WNT2: variants seen among roughly 807,000 people sequenced by gnomAD.
The protein encoded by WNT2 is protein Wnt-2.
In WNT2, 12 loss-of-function variants were observed where a neutral mutation model predicts 36.9. That is an observed-to-expected ratio of 0.33 (90% CI 0.21 to 0.53). WNT2 has a LOEUF of 0.53. WNT2 is among the 20% of genes least tolerant of loss of function. The pLI, the probability that WNT2 is intolerant of heterozygous loss-of-function variation, is 0.95. For synonymous variants in WNT2, 163 were observed against 174.6 expected, an observed-to-expected ratio of 0.93 and a Z score of 0.52; for missense variants, 379 against 473.1, an observed-to-expected ratio of 0.80 and a Z score of 1.84.
chr7:117,309,027 TAA>T (rs1023269336), intron 3 of WNT2, among the ~76,000 whole-genome samples: 9 of 127,418 alleles, frequency 7.1e-5, no homozygotes, highest in Non-Finnish European at 8.5e-5. Context: ...CTATGAAACA[TAA>T]AAAAAAAAAA....
intron 4 of WNT2, among the ~76,000 whole-genome samples, chr7:117,287,403 C>T (rs1794603963): frequency 6.6e-6 from 1 of 152,132 alleles, no homozygotes; most frequent in African/African-American, 2.4e-5. Context: ...CCTGTAACTC[C>T]TTCCATCAGA....
At chr7:117,307,013 G>A (rs1209202035) in intron 3 of WNT2, among the ~76,000 whole-genome samples, 3 of 151,832 alleles carry the variant, frequency 2.0e-5, no homozygotes, top group Non-Finnish European at 4.4e-5. Flanking sequence ...CCTTTGACCT[G>A]CAGAGGCTAT....
intron 3 of WNT2, among the ~76,000 whole-genome samples, chr7:117,311,271 A>G (rs964283814): frequency 3.3e-5 from 5 of 152,366 alleles, no homozygotes; most frequent in Middle Eastern, 3.4e-3. Flanking sequence ...AAAGAAAAAA[A>G]ATCATCAGTA....
rs201976296 is a variant in WNT2 at position 117,309,954 on chromosome 7, A to AT, written c.588+5116dup. Among the ~76,000 whole-genome samples the AT allele has an allele frequency of 7.5e-3, 1,135 of 151,044 alleles. 17 individuals carry two copies. Among genetic ancestry groups the AT allele is most frequent in the African/African-American group, 0.026 (1,072 of 41,108 alleles). On this transcript the variant is annotated intron_variant, in intron 3 of 4. Transcript: ENST00000265441. ...TTCTCACAATTTTCCTAGTAAATCT[A>AT]TTTTTTTTTGATATGGGATCTCACT...
chr7:117,303,524 GTCT>G (rs1794953073), intron 3 of WNT2, among the ~76,000 whole-genome samples: 1 of 152,148 alleles, frequency 6.6e-6, no homozygotes, highest in Admixed American at 6.5e-5. Flanking sequence ...TCCCCCTGGG[GTCT>G]TCAGAGGCAC....
chr7:117,320,469 T>G, intron 2 of WNT2, 98 bp downstream of exon 2: 1 of 1,224,822 alleles, frequency 8.2e-7, no homozygotes, highest in Non-Finnish European at 1.2e-6. Flanking sequence ...TCTGATGGAA[T>G]AAAATGCAAT....
chr7:117,291,975 T>C (rs9641577), intron 4 of WNT2, among the ~76,000 whole-genome samples: 99,568 of 151,850 alleles, frequency 0.66, 33,103 homozygotes, highest in East Asian at 0.77. Context: ...TGGGGTTTGT[T>C]CATGTTGGTC....
At chr7:117,298,460 C>T in intron 3 of WNT2, among the ~76,000 whole-genome samples, 1 of 152,030 alleles carries the variant, frequency 6.6e-6, no homozygotes, top group East Asian at 1.9e-4. Context: ...AAAGACAGAG[C>T]CAGGCTGTAC....
At chr7:117,289,195 C>A (rs1156228585) in intron 4 of WNT2, among the ~76,000 whole-genome samples, 1 of 151,404 alleles carries the variant, frequency 6.6e-6, no homozygotes, top group Non-Finnish European at 1.5e-5. Flanking sequence ...GTAGCTGGGA[C>A]TACAGGCGCC....
chr7:117,296,261 A>G (rs746777220), intron 4 of WNT2, among the ~76,000 whole-genome samples: 1 of 152,242 alleles, frequency 6.6e-6, no homozygotes, highest in African/African-American at 2.4e-5. Flanking sequence ...GGGGCACAGC[A>G]TCTGGTCCTC....
At chr7:117,307,297 T>A (rs2116373718) in intron 3 of WNT2, among the ~76,000 whole-genome samples, 1 of 152,336 alleles carries the variant, frequency 6.6e-6, no homozygotes, top group South Asian at 2.1e-4. Context: ...CACTATTTTA[T>A]TTAGTCCACA....
At chr7:117,281,425 A>T (rs1256158284) in intron 4 of WNT2, among the ~76,000 whole-genome samples, 2 of 151,886 alleles carry the variant, frequency 1.3e-5, no homozygotes, top group African/African-American at 4.8e-5. Flanking sequence ...TTCTGTGGAG[A>T]CAGGGTCTTG....
intron 3 of WNT2, chr7:117,300,937 G>A (rs1477395137): frequency 2.0e-5 from 3 of 152,268 alleles, no homozygotes; most frequent in Non-Finnish European, 4.4e-5. Flanking sequence ...AGGCACACTT[G>A]ACAGATGTGA....
At chr7:117,286,742 T>G (rs1260315408) in intron 4 of WNT2, among the ~76,000 whole-genome samples, 11 of 152,222 alleles carry the variant, frequency 7.2e-5, no homozygotes, top group African/African-American at 1.2e-4. Flanking sequence ...TTCCTCACAT[T>G]TGGACTGCAC....
chr7:117,313,420 AGCT>A (rs1795159027), intron 3 of WNT2, among the ~76,000 whole-genome samples: 2 of 152,240 alleles, frequency 1.3e-5, no homozygotes, highest in South Asian at 4.1e-4. Flanking sequence ...GAGGCCTGAC[AGCT>A]GTTCACCTCT....
intron 3 of WNT2, among the ~76,000 whole-genome samples, chr7:117,304,323 T>C (rs1401823090): frequency 6.6e-6 from 1 of 152,192 alleles, no homozygotes; most frequent in African/African-American, 2.4e-5. Flanking sequence ...TTTTCCCCTA[T>C]GAAAGCTCCC....
Position 117,314,103 on chromosome 7 carries a change from T to G in WNT2, c.588+968A>C, listed in dbSNP as rs1584695163. ...ATTAATATCAAACACATTTTTATGT[T>G]GTGTTGATAAAAGACAAATTATCGT... On this transcript the variant is annotated intron_variant, in intron 3 of 4. Coordinates refer to ENST00000265441, the MANE Select transcript of WNT2 (RefSeq NM_003391.3). 3.3e-5 allele frequency among the ~76,000 whole-genome samples: 5 copies of G among 152,342 alleles called. 1 individual carries two copies. The highest frequency in any genetic ancestry group is 3.3e-4 in the Admixed American group (5 of 15,294).
At position 117,291,934 on chromosome 7, in the gene WNT2, C is replaced by T. The variant is rs183336701; in HGVS notation, c.853+5678G>A. Among the ~76,000 whole-genome samples, 950 of 152,090 alleles carry T rather than the reference C, an allele frequency of 6.2e-3. 13 individuals are homozygous for T. Among genetic ancestry groups the T allele is most frequent in the African/African-American group, 0.022 (894 of 41,484 alleles). On this transcript the variant is annotated intron_variant, in intron 4 of 4. Transcript: ENST00000265441. Reference sequence around the variant, plus strand: ...CTGGGATTACAGGCATGCACCACCACGCCTGGCTAATTTTGTATTTTTAGT... The same window carrying T: ...CTGGGATTACAGGCATGCACCACCATGCCTGGCTAATTTTGTATTTTTAGT...
rs1795339919 is a variant in WNT2, at chr7:117,322,046, T to G, written c.83+861A>C. On this transcript the variant is annotated intron_variant, in intron 1 of 4. Coordinates refer to ENST00000265441, the MANE Select transcript of WNT2 (RefSeq NM_003391.3). This position sits in a 1 kb window ranked among gnomAD's most constrained non-coding sequence, Gnocchi z 5.4. ...TGAATCAATATTTTAATATCTGTTC[T>G]GAAACTTTTAGGTGCAAGGAAATTA... The G allele has an allele frequency of 6.6e-6, 1 of 152,202 alleles. No homozygotes were observed. Among genetic ancestry groups the G allele is most frequent in the Admixed American group, 6.5e-5 (1 of 15,278 alleles). The allele number at this position is 152,202 out of a possible 1,614,324, so 9.4% of individuals were successfully genotyped here. A position where few individuals can be genotyped will look rare whatever the true frequency, so the allele number is the denominator to read the frequency against.
Sources: allele counts gnomAD v4.1 joint callset (sites outside exome capture counted in the v4.1 genomes callset), GRCh38; gene constraint gnomAD v4.1.1; non-coding constraint Gnocchi (gnomAD v3.1); transcripts MANE v1.5; gene names NCBI Gene and HGNC (gene_info 2026-07-23, HGNC 2026-07-21).